PDE8B: variants seen among roughly 807,000 people sequenced by gnomAD.
PDE8B encodes the protein high affinity cAMP-specific and IBMX-insensitive 3',5'-cyclic phosphodiesterase 8B.
Under a neutral mutation model 101.3 loss-of-function variants are expected in PDE8B, and 26 were observed. The ratio of observed to expected loss-of-function variants is 0.26; its 90% confidence interval spans 0.19 to 0.36. The LOEUF (loss-of-function observed/expected upper bound fraction) is 0.36, where lower values mean the gene tolerates loss of function less well. Ranked by LOEUF, PDE8B falls within the 10% of genes least tolerant of loss-of-function variation. The pLI is 1.00. For missense variants in PDE8B, 810 were observed against 1,163.1 expected, an observed-to-expected ratio of 0.70 and a Z score of 4.42; for synonymous variants, 424 against 429.3, an observed-to-expected ratio of 0.99 and a Z score of 0.15.
chr5:77,345,209 C>T (rs1475505963), intron 7 of PDE8B, among the ~76,000 whole-genome samples: 3 of 152,196 alleles, frequency 2.0e-5, no homozygotes, highest in Non-Finnish European at 4.4e-5. Flanking sequence ...CACTCTGTCG[C>T]CCAGGCTGTA....
At chr5:77,093,271 T>A in the PDE8B span, among the ~76,000 whole-genome samples, 14 of 152,356 alleles carry the variant, frequency 9.2e-5, no homozygotes, top group African/African-American at 3.1e-4. Context: ...TTATTATATG[T>A]CTGTTCAGAT....
At chr5:77,143,402 G>A in the PDE8B span, among the ~76,000 whole-genome samples, 6 of 152,244 alleles carry the variant, frequency 3.9e-5, no homozygotes, top group African/African-American at 7.2e-5. Context: ...CCTGTTATAC[G>A]CCAGGGATTT....
chr5:77,252,601 G>A (rs1758281897), intron 1 of PDE8B, among the ~76,000 whole-genome samples: 2 of 152,170 alleles, frequency 1.3e-5, no homozygotes. Context: ...TATTATGTCT[G>A]TTGCTGTTTG....
At chr5:77,105,978 A>G in the PDE8B span, 67 of 152,266 alleles carry the variant, frequency 4.4e-4, no homozygotes, top group African/African-American at 1.6e-3. Flanking sequence ...TACCTCCTTT[A>G]GCAAAGGGTC....
At chr5:77,208,837 G>A (rs1366074007), upstream of PDE8B, among the ~76,000 whole-genome samples, 3 of 152,094 alleles carry the variant, frequency 2.0e-5, no homozygotes, top group Non-Finnish European at 2.9e-5. Context: ...TCCATGCTGG[G>A]GTATAAAGGC....
At chr5:77,165,883 G>T in the PDE8B span, among the ~76,000 whole-genome samples, 1 of 150,730 alleles carries the variant, frequency 6.6e-6, no homozygotes, top group African/African-American at 2.4e-5. Flanking sequence ...GTGCATGCCT[G>T]TAATCCCAGC....
chr5:77,166,367 G>T, the PDE8B span, among the ~76,000 whole-genome samples: 2 of 152,142 alleles, frequency 1.3e-5, no homozygotes, highest in Non-Finnish European at 2.9e-5. Flanking sequence ...AATGAGAAGG[G>T]CCTGAGGTCT....
the PDE8B span, among the ~76,000 whole-genome samples, chr5:77,177,521 G>A: frequency 1.3e-5 from 2 of 152,196 alleles, no homozygotes; most frequent in African/African-American, 2.4e-5. Flanking sequence ...AGGTCTTAGC[G>A]ACCTCAACAT....
chr5:77,363,576 G>A (rs902972039), intron 10 of PDE8B, among the ~76,000 whole-genome samples: 14 of 152,190 alleles, frequency 9.2e-5, no homozygotes, highest in African/African-American at 3.1e-4. Context: ...GCTGGGCATG[G>A]TGGCGGGTGC....
intron 5 of PDE8B, among the ~76,000 whole-genome samples, chr5:77,335,921 G>C (rs1163564391): frequency 1.3e-5 from 2 of 151,090 alleles, no homozygotes; most frequent in Non-Finnish European, 2.9e-5. Flanking sequence ...ATTAAGTATT[G>C]ATGTGATCAT....
At chr5:77,175,515 T>C in the PDE8B span, among the ~76,000 whole-genome samples, 8 of 152,210 alleles carry the variant, frequency 5.3e-5, no homozygotes, top group Non-Finnish European at 1.0e-4. Flanking sequence ...AGGGAAGCCT[T>C]CTCAGACTTC....
the PDE8B span, among the ~76,000 whole-genome samples, chr5:77,108,545 T>A: frequency 6.6e-6 from 1 of 152,146 alleles, no homozygotes; most frequent in Non-Finnish European, 1.5e-5. Flanking sequence ...TAGCCGGGCA[T>A]GGTGGCGCAC....
At chr5:77,337,084 A>G in intron 5 of PDE8B, 143 bp from the exon 6 acceptor site, 1 of 648,916 alleles carries the variant, frequency 1.5e-6, no homozygotes, top group East Asian at 2.8e-5. Flanking sequence ...GAACACCTTG[A>G]CAGCTGTTTC....
At chr5:77,188,721 T>G in the PDE8B span, among the ~76,000 whole-genome samples, 4 of 152,210 alleles carry the variant, frequency 2.6e-5, no homozygotes, top group Non-Finnish European at 5.9e-5. Flanking sequence ...ATTTCAACCC[T>G]GTGCATCACA....
At chr5:77,281,718 C>G (rs927496452) in intron 1 of PDE8B, among the ~76,000 whole-genome samples, 4 of 152,182 alleles carry the variant, frequency 2.6e-5, no homozygotes, top group Non-Finnish European at 5.9e-5. Context: ...CTTGCAAAGT[C>G]CTTTTTGCCC....
intron 12 of PDE8B, among the ~76,000 whole-genome samples, chr5:77,405,696 T>C (rs1429949489): frequency 6.6e-6 from 1 of 151,978 alleles, no homozygotes; most frequent in Non-Finnish European, 1.5e-5. Flanking sequence ...GGGGTGACCA[T>C]GAGAGTGCAG....
chr5:77,196,185 G>A, the PDE8B span, among the ~76,000 whole-genome samples: 4 of 152,140 alleles, frequency 2.6e-5, no homozygotes, highest in Middle Eastern at 3.4e-3. Flanking sequence ...GACCCATACC[G>A]AATATATGAT....
chr5:77,220,449 G>T (rs1750861535), intron 1 of PDE8B, among the ~76,000 whole-genome samples: 1 of 152,184 alleles, frequency 6.6e-6, no homozygotes, highest in Non-Finnish European at 1.5e-5. Context: ...TCAAAGGTGA[G>T]AACTTTGAAT....
At chr5:77,109,216 C>G in the PDE8B span, among the ~76,000 whole-genome samples, 4 of 152,206 alleles carry the variant, frequency 2.6e-5, no homozygotes, top group Admixed American at 6.5e-5. Flanking sequence ...GCTTTCTCCC[C>G]CTTGGGGTTG....
Sources: allele counts gnomAD v4.1 joint callset (sites outside exome capture counted in the v4.1 genomes callset), GRCh38; gene constraint gnomAD v4.1.1; transcripts MANE v1.5; gene names NCBI Gene and HGNC (gene_info 2026-07-23, HGNC 2026-07-21).